The following FRMPD4 variants were observed in gnomAD, a reference collection of about 807,000 sequenced individuals.
FRMPD4 encodes FERM and PDZ domain-containing protein 4.
A neutral mutation model predicts 94.1 loss-of-function variants in FRMPD4; 22 were observed. The ratio of observed to expected loss-of-function variants is 0.23; its 90% confidence interval spans 0.17 to 0.33. The LOEUF (loss-of-function observed/expected upper bound fraction) is 0.33, where lower values mean the gene tolerates loss of function less well. FRMPD4 is among the 10% of genes least tolerant of loss of function. The pLI, the probability that FRMPD4 is intolerant of heterozygous loss-of-function variation, is 1.00. For synonymous variants in FRMPD4, 631 were observed against 548.6 expected (o/e 1.15, Z -2.10); for missense variants, 1,111 against 1,339.9 (o/e 0.83, Z 2.67).
At chrX:12,521,281 G>A (rs900129126) in intron 2 of FRMPD4, among the ~76,000 whole-genome samples, 13 of 110,909 alleles carry the variant, frequency 1.2e-4, no homozygotes, top group Admixed American at 1.9e-4. Flanking sequence ...TAATTTTACC[G>A]GGGTTGCCTT....
chrX:12,685,705 C>T (rs1473478935), intron 6 of FRMPD4, among the ~76,000 whole-genome samples: 1 of 112,136 alleles, frequency 8.9e-6, no homozygotes, highest in Non-Finnish European at 1.9e-5. Context: ...GCTGGTGACT[C>T]ACCATCATGA....
In FRMPD4 at chrX:12,692,851, C is replaced by T. The variant is rs376248236; in HGVS notation, c.814-1484C>T. Among the ~76,000 whole-genome samples, 5 of 112,334 alleles carry T rather than the reference C, an allele frequency of 4.5e-5. No homozygotes were observed. The East Asian group carries it at 1.1e-3, about 25-fold the overall frequency. ...CTTCTGGCAAAATAGCTCATGAAGT[C>T]GCTGTGAAACACAACAGCAAGGCTG... is the stretch of plus-strand genomic sequence containing the variant. On this transcript the variant is annotated intron_variant, in intron 8 of 16. Coordinates refer to ENST00000675598, the MANE Select transcript of FRMPD4 (RefSeq NM_001368397.1).
At chrX:11,861,865 A>C (rs748555362) in intron 1 of FRMPD4, among the ~76,000 whole-genome samples, 7 of 111,754 alleles carry the variant, frequency 6.3e-5, no homozygotes, top group Non-Finnish European at 1.3e-4. Flanking sequence ...TTTATAAAGA[A>C]AAGAGGTTTA....
chrX:11,880,834 G>A (rs868841203), intron 3 of FRMPD4, among the ~76,000 whole-genome samples: 50 of 111,185 alleles, frequency 4.5e-4, no homozygotes, highest in Middle Eastern at 4.6e-3. Flanking sequence ...GTAGAGATGG[G>A]GTTTCACCAT....
chrX:11,875,160 A>C (rs1300048133), intron 2 of FRMPD4, among the ~76,000 whole-genome samples: 1 of 112,864 alleles, frequency 8.9e-6, no homozygotes, highest in Non-Finnish European at 1.9e-5. Flanking sequence ...CAAAATGTAC[A>C]TTTAGATTTT....
intron 3 of FRMPD4, among the ~76,000 whole-genome samples, chrX:12,045,526 A>G (rs1382317413): frequency 9.0e-6 from 1 of 110,846 alleles, no homozygotes; most frequent in Non-Finnish European, 1.9e-5. Context: ...TGAAATCTGA[A>G]CCCAAAACCC....
rs1336251733 is a variant in FRMPD4 at position 12,722,248 on chromosome X, A to C, written c.*390A>C. ...ATTTAGAAGTAAAACACAAAACAAA[A>C]AAGAGAGAGAAAAGAAAAGAAATCA... On this transcript the variant is annotated 3_prime_UTR_variant, in exon 17 of 17. Coordinates refer to ENST00000675598, the MANE Select transcript of FRMPD4 (RefSeq NM_001368397.1). 9.0e-6 allele frequency: 1 copy of C among 111,609 alleles called. No homozygotes were observed. Among genetic ancestry groups the C allele is most frequent in the Non-Finnish European group, 1.9e-5 (1 of 53,138 alleles). 9.2% of individuals were successfully genotyped at this position (111,609 alleles called of 1,213,427 possible).
At chrX:11,862,364 T>C (rs933782291) in intron 1 of FRMPD4, among the ~76,000 whole-genome samples, 6 of 111,250 alleles carry the variant, frequency 5.4e-5, no homozygotes, top group Non-Finnish European at 1.1e-4. Flanking sequence ...TTTAGGCTAA[T>C]GTAAAGTGGC....
intron 1 of FRMPD4, among the ~76,000 whole-genome samples, chrX:11,855,527 A>G (rs781264848): frequency 1.8e-5 from 2 of 112,210 alleles, no homozygotes; most frequent in South Asian, 7.5e-4. Flanking sequence ...CTTCCACCAG[A>G]TACCCTAAAT....
intron 3 of FRMPD4, among the ~76,000 whole-genome samples, chrX:11,922,636 C>T (rs781133726): frequency 8.9e-6 from 1 of 112,273 alleles, no homozygotes; most frequent in African/African-American, 3.2e-5. Context: ...TCACCACGGA[C>T]CTCTGGAACC....
At chrX:12,374,831 C>T (rs1017710625) in intron 1 of FRMPD4, 1 of 111,687 alleles carries the variant, frequency 9.0e-6, no homozygotes, top group African/African-American at 3.3e-5. Context: ...GAACAAACAG[C>T]TCTATCCTCC....
intron 2 of FRMPD4, among the ~76,000 whole-genome samples, chrX:11,876,169 A>G (rs1485397468): frequency 1.9e-5 from 2 of 107,719 alleles, no homozygotes; most frequent in Non-Finnish European, 3.8e-5. Flanking sequence ...TATCACATTC[A>G]CTCCCAAGAC....
chrX:12,198,462 A>G (rs1002474378), intron 1 of FRMPD4, among the ~76,000 whole-genome samples: 1 of 111,691 alleles, frequency 9.0e-6, no homozygotes, highest in Admixed American at 9.5e-5. Context: ...GACTTACCAA[A>G]TCCCAGGTGA....
chrX:12,343,915 A>G (rs1445713657), intron 1 of FRMPD4, among the ~76,000 whole-genome samples: 1 of 112,105 alleles, frequency 8.9e-6, no homozygotes, highest in Non-Finnish European at 1.9e-5. Context: ...TTTCTTTTCT[A>G]AGCATCATCA....
intron 3 of FRMPD4, among the ~76,000 whole-genome samples, chrX:11,909,647 T>G (rs1484914860): frequency 9.1e-6 from 1 of 110,488 alleles, no homozygotes; most frequent in African/African-American, 3.3e-5. Flanking sequence ...CCTTTTTTTC[T>G]TTTTAGTATA....
chrX:12,639,145 A>G (rs1326502718), intron 4 of FRMPD4, among the ~76,000 whole-genome samples: 1 of 111,943 alleles, frequency 8.9e-6, no homozygotes, highest in African/African-American at 3.2e-5. Context: ...GATGTTGTCC[A>G]TGGGGTTTTG....
intron 2 of FRMPD4, among the ~76,000 whole-genome samples, chrX:12,552,926 C>T (rs964143007): frequency 1.2e-4 from 13 of 111,765 alleles, no homozygotes; most frequent in East Asian, 8.4e-4. Flanking sequence ...GAGGTGGAGG[C>T]GGGAGGATCG....
At chrX:12,428,568 G>T (rs1307782995) in intron 1 of FRMPD4, among the ~76,000 whole-genome samples, 1 of 111,101 alleles carries the variant, frequency 9.0e-6, no homozygotes, top group Non-Finnish European at 1.9e-5. Flanking sequence ...TCTTTCACTG[G>T]TGCTGGATTC....
intron 4 of FRMPD4, among the ~76,000 whole-genome samples, chrX:12,659,103 C>G (rs1167417061): frequency 8.9e-6 from 1 of 112,157 alleles, no homozygotes; most frequent in Non-Finnish European, 1.9e-5. Context: ...CTCAAACTTC[C>G]CTGGCAGGTT....
Sources: allele counts gnomAD v4.1 joint callset (sites outside exome capture counted in the v4.1 genomes callset), GRCh38; gene constraint gnomAD v4.1.1; transcripts MANE v1.5; gene names NCBI Gene and HGNC (gene_info 2026-07-23, HGNC 2026-07-21).